The following COL5A1 variants were observed in gnomAD, a reference collection of about 807,000 sequenced individuals.
The protein encoded by COL5A1 is collagen alpha-1(V) chain.
A neutral mutation model predicts 263.7 loss-of-function variants in COL5A1; 16 were observed. That is an observed-to-expected ratio of 0.06 (90% CI 0.04 to 0.09). COL5A1 has a LOEUF of 0.09. COL5A1 is among the 10% of genes least tolerant of loss of function. The pLI, the probability that COL5A1 is intolerant of heterozygous loss-of-function variation, is 1.00. For synonymous variants in COL5A1, 1,012 were observed against 1,004.5 expected, an observed-to-expected ratio of 1.01 and a Z score of -0.14; for missense variants, 2,036 against 2,540.5, an observed-to-expected ratio of 0.80 and a Z score of 4.27.
chr9:134,667,000 A>T (rs1832380958), intron 1 of COL5A1, among the ~76,000 whole-genome samples: 1 of 152,050 alleles, frequency 6.6e-6, no homozygotes, highest in East Asian at 1.9e-4. Context: ...CCATTTTTTG[A>T]TTACTTCCTG....
chr9:134,789,618 C>T lies in COL5A1; in HGVS notation c.2700+410C>T, dbSNP rs1837599595. 6.6e-6 allele frequency among the ~76,000 whole-genome samples: 1 copy of T among 152,224 alleles called. No individual in the cohort carries two copies. The highest frequency in any genetic ancestry group is 1.5e-5 in the Non-Finnish European group (1 of 68,038). ...AAATGTCCTGCTACTTAACCGTCGT[C>T]CAAATTTAAAGTCATTTAAATTAAC... On this transcript the variant is annotated intron_variant, in intron 32 of 65. Transcript: ENST00000371817. The surrounding 1 kb of genome is among the most constrained non-coding windows in gnomAD (Gnocchi z 4.8).
intron 35 of COL5A1, 119 bp downstream of exon 35, chr9:134,796,537 G>A: frequency 1.8e-6 from 2 of 1,098,604 alleles, no homozygotes; most frequent in Non-Finnish European, 2.7e-6. Flanking sequence ...CTGCTGAAGG[G>A]TAGGGTTTTC....
intron 9 of COL5A1, among the ~76,000 whole-genome samples, chr9:134,735,209 CAAA>C (rs11288569): frequency 1.5e-5 from 2 of 135,554 alleles, no homozygotes; most frequent in Non-Finnish European, 3.2e-5. Context: ...GACTCCATCT[CAAA>C]AAAAAAAAAA....
chr9:134,731,422 C>T lies in COL5A1; in HGVS notation c.1165-74C>T, dbSNP rs940858205. On this transcript the variant is annotated intron_variant, in intron 7 of 65. Coordinates refer to ENST00000371817, the MANE Select transcript of COL5A1 (RefSeq NM_000093.5). ...CAGTTGACCGGATAGCCACAGTGCC[C>T]GCCCAGGGCCTGATGGAGAGGCAGT... The T allele has an allele frequency of 2.1e-5, 31 of 1,503,354 alleles. No homozygotes were observed. In the East Asian group the frequency reaches 2.5e-4, roughly 12 times the overall value. 93.1% of individuals were successfully genotyped at this position (1,503,354 alleles called of 1,614,324 possible).
chr9:134,799,117 A>G (rs1281042807), intron 37 of COL5A1, among the ~76,000 whole-genome samples: 1 of 152,224 alleles, frequency 6.6e-6, no homozygotes, highest in African/African-American at 2.4e-5. Flanking sequence ...TTGTAGTCAG[A>G]GACTCCCCTT....
chr9:134,804,480 C>T (rs1045841185), intron 39 of COL5A1, among the ~76,000 whole-genome samples: 1 of 152,212 alleles, frequency 6.6e-6, no homozygotes, highest in Non-Finnish European at 1.5e-5. Context: ...TGTCTGAGCA[C>T]GGTCTTACAA....
chr9:134,768,947 C>A (rs1225149597), intron 25 of COL5A1, among the ~76,000 whole-genome samples: 1 of 152,126 alleles, frequency 6.6e-6, no homozygotes, highest in African/African-American at 2.4e-5. Flanking sequence ...GAGTTGGTGA[C>A]AAATCCAATC....
intron 4 of COL5A1, among the ~76,000 whole-genome samples, chr9:134,721,410 A>G (rs1284470354): frequency 1.3e-5 from 2 of 151,656 alleles, no homozygotes; most frequent in Non-Finnish European, 2.9e-5. Context: ...TCGTCACCCC[A>G]TGGCACCCCA....
At chr9:134,786,237 T>A (rs1344857705) in intron 31 of COL5A1, among the ~76,000 whole-genome samples, 189 bp downstream of exon 31, 1 of 152,148 alleles carries the variant, frequency 6.6e-6, no homozygotes, top group African/African-American at 2.4e-5. Context: ...TCACCTTGCA[T>A]CCAGCTATGT....
rs551914482 is a variant in COL5A1 at position 134,677,401 on chromosome 9, C to G, written c.110-13511C>G. ...CTGGGTTCCACTGAGCATTTCAGGA[C>G]AGCAGGAGAGGTTTCTCACTGCCTT... On this transcript the variant is annotated intron_variant, in intron 1 of 65. Coordinates refer to ENST00000371817, the MANE Select transcript of COL5A1 (RefSeq NM_000093.5). The surrounding 1 kb of genome is among the most constrained non-coding windows in gnomAD (Gnocchi z 4.4). 1.1e-3 allele frequency among the ~76,000 whole-genome samples: 174 copies of G among 152,254 alleles called. 1 individual carries two copies. In the South Asian group the frequency reaches 0.015, roughly 13 times the overall value.
chr9:134,780,905 G>A (rs1157370685), intron 28 of COL5A1, among the ~76,000 whole-genome samples: 1 of 152,252 alleles, frequency 6.6e-6, no homozygotes, highest in Non-Finnish European at 1.5e-5. Flanking sequence ...CTCACGCTCT[G>A]TTGTGGGTTC....
At chr9:134,767,156 A>T in intron 23 of COL5A1, 103 bp downstream of exon 23, 2 of 1,462,796 alleles carry the variant, frequency 1.4e-6, no homozygotes, top group South Asian at 1.2e-5. Context: ...GTCCCCTCCA[A>T]GTAGCAGCCC....
At chr9:134,787,213 AAATC>A (rs1837492495) in intron 31 of COL5A1, among the ~76,000 whole-genome samples, 1 of 152,244 alleles carries the variant, frequency 6.6e-6, no homozygotes, top group South Asian at 2.1e-4. Flanking sequence ...TGGGTGGTCT[AAATC>A]AAGTCCAGGC....
intron 1 of COL5A1, among the ~76,000 whole-genome samples, chr9:134,676,231 G>C (rs1832680733): frequency 6.6e-6 from 1 of 152,084 alleles, no homozygotes; most frequent in Non-Finnish European, 1.5e-5. Flanking sequence ...TGGACTTACT[G>C]GTGTGTGTAT....
intron 32 of COL5A1, among the ~76,000 whole-genome samples, chr9:134,791,492 G>A (rs1021867004): frequency 6.6e-6 from 1 of 151,912 alleles, no homozygotes; most frequent in African/African-American, 2.4e-5. Flanking sequence ...TTCTGGACAG[G>A]GTTGATGCTT....
chr9:134,769,463 C>T (rs1423820902), intron 25 of COL5A1, among the ~76,000 whole-genome samples: 1 of 152,204 alleles, frequency 6.6e-6, no homozygotes, highest in African/African-American at 2.4e-5. Flanking sequence ...TTTCATTGCC[C>T]TTTCTAATGA....
rs553328379 is a variant in COL5A1 at position 134,820,471 on chromosome 9, G to A, written c.4554+248G>A. On this transcript the variant is annotated intron_variant, in intron 58 of 65. Coordinates refer to ENST00000371817, the MANE Select transcript of COL5A1 (RefSeq NM_000093.5). ...CAGGCGGGGCTTCCTCCTCATGACCGTGGTGTCCCCCAGAGCTGGAGGGAC... is the reference window on the plus strand; with the variant it reads ...CAGGCGGGGCTTCCTCCTCATGACCATGGTGTCCCCCAGAGCTGGAGGGAC... Among the ~76,000 whole-genome samples the A allele has an allele frequency of 2.6e-5, 4 of 152,306 alleles. No homozygotes were observed. The East Asian group carries it at 5.8e-4, about 22-fold the overall frequency.
Position 134,696,719 on chromosome 9 carries a change from G to A in COL5A1, c.278-3190G>A, listed in dbSNP as rs1833483189. Among the ~76,000 whole-genome samples the A allele has an allele frequency of 6.6e-6, 1 of 152,172 alleles. No individual in the cohort carries two copies. The highest frequency in any genetic ancestry group is 2.4e-5 in the African/African-American group (1 of 41,446). On this transcript the variant is annotated intron_variant, in intron 2 of 65. Transcript: ENST00000371817. The surrounding 1 kb of genome is among the most constrained non-coding windows in gnomAD (Gnocchi z 4.3). ...TAGTTTCAACACAAATGCATTTATT[G>A]TACTCCTACTGCATACCTAAAATGC...
Position 134,785,015 on chromosome 9 carries a change from G to C in COL5A1, c.2511G>C (p.Arg837Ser), listed in dbSNP as rs1278167666. The C allele has an allele frequency of 6.2e-7, 1 of 1,613,296 alleles. No individual in the cohort carries two copies. The highest frequency in any genetic ancestry group is 1.7e-5 in the Admixed American group (1 of 60,012). Residue 837 changes from arginine (R) to serine (S), a missense_variant, in exon 30 of 66, where the codon AGG (arginine) becomes AGC (serine). Around this residue, in one of 3 missense-constraint regions of COL5A1, gnomAD observed 1,078 missense variants for 1,521.4 expected, o/e 0.71. Coordinates refer to ENST00000371817, the MANE Select transcript of COL5A1 (RefSeq NM_000093.5). ...GGGAGATCGGCCCACCCGGTCCCAG[G>C]GGAGAAGATGGCCCTGAAGGCCCAA... The part of the protein sequence containing the change: ...DRGEIGPPGP[R>S]GEDGPEGPKG...
Sources: gnomAD v4.1 joint callset for allele counts (sites outside exome capture counted in the v4.1 genomes callset) on GRCh38, gnomAD v4.1.1 for gene constraint, gnomAD v4.1.1 regional missense constraint, Gnocchi (gnomAD v3.1) non-coding constraint, MANE v1.5 for transcripts, NCBI Gene and HGNC (gene_info 2026-07-23, HGNC 2026-07-21) for gene names.